Variants in TMEM267 observed in about 807,000 individuals in gnomAD.
The protein encoded by TMEM267 is transmembrane protein C5orf28.
A neutral mutation model predicts 19.3 loss-of-function variants in TMEM267; 20 were observed. That is an observed-to-expected ratio of 1.04 (90% CI 0.73 to 1.51). TMEM267 has a LOEUF of 1.51. Among genes scored for constraint, TMEM267 ranks in the 40% most tolerant of loss-of-function variants. The probability of loss-of-function intolerance (pLI) is 0.00; values close to 1 mark genes in which losing one functional copy is unlikely to be tolerated. For synonymous variants in TMEM267, 88 were observed against 90.3 expected (o/e 0.97, Z 0.15); for missense variants, 242 against 261.9 (o/e 0.92, Z 0.52).
chr5:43,479,692 T>C (rs972851390), intron 1 of TMEM267, among the ~76,000 whole-genome samples: 1 of 152,034 alleles, frequency 6.6e-6, no homozygotes, highest in African/African-American at 2.4e-5. Flanking sequence ...GTACTTACTT[T>C]GCAGATAACA....
chr5:43,464,977 G>A (rs964996424), intron 1 of TMEM267, among the ~76,000 whole-genome samples: 35 of 152,260 alleles, frequency 2.3e-4, no homozygotes, highest in African/African-American at 8.2e-4. Context: ...AAACTAAAGA[G>A]CTTCTGCACA....
Position 43,459,454 on chromosome 5 carries a change from T to A in TMEM267, c.-74-5411A>T, listed in dbSNP as rs1027268067. Among the ~76,000 whole-genome samples, 3 of 152,036 alleles carry A rather than the reference T, an allele frequency of 2.0e-5. No homozygotes were observed. The East Asian group carries it at 5.8e-4, about 29-fold the overall frequency. ...AATCAGATTGGGGCAAAAGAAAACA[T>A]CACTAAATTATTGTTCAAAACAAAA... On this transcript the variant is annotated intron_variant, in intron 1 of 2. Coordinates refer to ENST00000397080, the MANE Select transcript of TMEM267 (RefSeq NM_022483.5).
chr5:43,464,330 T>G (rs998736481), intron 1 of TMEM267, among the ~76,000 whole-genome samples: 3 of 152,046 alleles, frequency 2.0e-5, no homozygotes, highest in African/African-American at 7.3e-5. Flanking sequence ...GGAAGAACAT[T>G]CCATGCTCAT....
intron 1 of TMEM267, among the ~76,000 whole-genome samples, chr5:43,460,249 C>T (rs901147733): frequency 6.6e-5 from 10 of 152,090 alleles, no homozygotes; most frequent in African/African-American, 1.9e-4. Context: ...TCCTGCTTTG[C>T]GGCCTGGATC....
intron 1 of TMEM267, among the ~76,000 whole-genome samples, chr5:43,465,806 G>T (rs185730282): frequency 6.6e-6 from 1 of 152,228 alleles, no homozygotes; most frequent in Admixed American, 6.5e-5. Flanking sequence ...TCCTGTTGTG[G>T]GGTGGGGGAA....
chr5:43,448,124 C>A (rs539601893), intron 2 of TMEM267, among the ~76,000 whole-genome samples: 3 of 152,276 alleles, frequency 2.0e-5, no homozygotes, highest in African/African-American at 4.8e-5. Context: ...ATCAGACCAC[C>A]CTTGAACAAG....
Position 43,450,154 on chromosome 5 carries a change from C to T in TMEM267, c.312+3504G>A, listed in dbSNP as rs374165105. On this transcript the variant is annotated intron_variant, in intron 2 of 2. Transcript: ENST00000397080. ...GAACTATAGGCATACACCACCATGC[C>T]GGGCTAGTTTTTTATTTTTTGTAGA... Among the ~76,000 whole-genome samples, 29 of 152,038 alleles carry T rather than the reference C, an allele frequency of 1.9e-4. No individual in the cohort carries two copies. The South Asian group carries it at 5.6e-3, about 29-fold the overall frequency.
chr5:43,477,877 C>T (rs1049470203), intron 1 of TMEM267, among the ~76,000 whole-genome samples: 2 of 152,138 alleles, frequency 1.3e-5, no homozygotes, highest in African/African-American at 4.8e-5. Context: ...GAGTATGTGG[C>T]CTTTTCAGTA....
At chr5:43,471,093 A>G (rs2112163868) in intron 1 of TMEM267, among the ~76,000 whole-genome samples, 1 of 152,270 alleles carries the variant, frequency 6.6e-6, no homozygotes, top group East Asian at 1.9e-4. Context: ...AACTTCAGTA[A>G]AGTTGCAGGA....
chr5:43,452,747 CTGAT>C (rs1465826885), intron 2 of TMEM267, among the ~76,000 whole-genome samples: 2 of 152,308 alleles, frequency 1.3e-5, no homozygotes, highest in East Asian at 3.9e-4. Flanking sequence ...TGATTCTTTA[CTGAT>C]TAAGTTTCTA....
chr5:43,447,112 A>C (rs1387240582), intron 2 of TMEM267, among the ~76,000 whole-genome samples: 1 of 143,202 alleles, frequency 7.0e-6, no homozygotes, highest in Admixed American at 6.9e-5. Flanking sequence ...TTTTTTTTTT[A>C]GGTGGAGTCT....
chr5:43,475,319 T>C (rs1744347556), intron 1 of TMEM267, among the ~76,000 whole-genome samples: 1 of 149,520 alleles, frequency 6.7e-6, no homozygotes, highest in Non-Finnish European at 1.5e-5. Context: ...AGTTGAACAA[T>C]GAGAACACAT....
intron 1 of TMEM267, among the ~76,000 whole-genome samples, chr5:43,478,109 A>T (rs1459890647): frequency 6.6e-6 from 1 of 152,246 alleles, no homozygotes; most frequent in East Asian, 1.9e-4. Context: ...AATATATTAC[A>T]TTGAACAGGA....
At chr5:43,476,402 A>C (rs1344556822) in intron 1 of TMEM267, 3 of 151,824 alleles carry the variant, frequency 2.0e-5, no homozygotes, top group African/African-American at 7.3e-5. Flanking sequence ...AGAGACTCAG[A>C]GGCAAGTCTG....
intron 1 of TMEM267, among the ~76,000 whole-genome samples, chr5:43,480,472 C>G (rs1395885301): frequency 1.3e-5 from 2 of 151,852 alleles, no homozygotes; most frequent in Non-Finnish European, 2.9e-5. Flanking sequence ...TGCCACCAAG[C>G]TTGGGCAATT....
In TMEM267 at chr5:43,467,709, T is replaced by A. The variant is rs56707961; in HGVS notation, c.-74-13666A>T. Among the ~76,000 whole-genome samples the A allele has an allele frequency of 1.8e-3, 268 of 152,278 alleles. 1 individual carries two copies. Among genetic ancestry groups the A allele is most frequent in the African/African-American group, 6.3e-3 (261 of 41,562 alleles). On this transcript the variant is annotated intron_variant, in intron 1 of 2. Coordinates refer to ENST00000397080, the MANE Select transcript of TMEM267 (RefSeq NM_022483.5). ...AAATCAACAAAGAAACATCAGACTG[T>A]GAAAGGAAAACATCCTGGGTCCTTT...
chr5:43,479,391 G>A (rs139568782), intron 1 of TMEM267, among the ~76,000 whole-genome samples: 183 of 151,560 alleles, frequency 1.2e-3, no homozygotes, highest in African/African-American at 4.2e-3. Flanking sequence ...TTACTGTTAT[G>A]ACCATAAAAC....
chr5:43,463,896 A>C (rs1287879403), intron 1 of TMEM267, among the ~76,000 whole-genome samples: 1 of 152,222 alleles, frequency 6.6e-6, no homozygotes, highest in Admixed American at 6.5e-5. Context: ...AACTGGCACA[A>C]GACAGGGATG....
intron 1 of TMEM267, among the ~76,000 whole-genome samples, chr5:43,463,197 G>C (rs535821158): frequency 6.6e-6 from 1 of 152,290 alleles, no homozygotes; most frequent in East Asian, 1.9e-4. Flanking sequence ...AGAAGAAATG[G>C]ATAAATTCCT....
Sources: allele counts gnomAD v4.1 joint callset (sites outside exome capture counted in the v4.1 genomes callset), GRCh38; gene constraint gnomAD v4.1.1; transcripts MANE v1.5; gene names NCBI Gene and HGNC (gene_info 2026-07-23, HGNC 2026-07-21).